The following MYO1C variants were observed in gnomAD, a reference collection of about 807,000 sequenced individuals.
MYO1C encodes unconventional myosin-Ic.
In MYO1C, 104 loss-of-function variants were observed where a neutral mutation model predicts 150.8. The observed-to-expected ratio is 0.69, with a 90% CI of 0.59 to 0.81. The LOEUF is 0.81. Ranked by LOEUF, MYO1C falls within the 30% of genes least tolerant of loss-of-function variation. MYO1C has a pLI of 0.00. For synonymous variants in MYO1C, 663 were observed against 579.9 expected (o/e 1.14, Z -2.06); for missense variants, 1,504 against 1,435.0 (o/e 1.05, Z -0.78).
intron 17 of MYO1C, 94 bp downstream of exon 17, chr17:1,474,516 G>T: frequency 7.5e-7 from 1 of 1,326,046 alleles, no homozygotes; most frequent in Non-Finnish European, 1.1e-6. Context: ...GCTCACACGC[G>T]TTCACACGCA....
chr17:1,465,240 C>T lies in MYO1C; in HGVS notation c.*486G>A, dbSNP rs565533302. 6.5e-6 allele frequency: 1 copy of T among 153,128 alleles called. No individual in the cohort carries two copies. Among genetic ancestry groups the T allele is most frequent in the Admixed American group, 6.5e-5 (1 of 15,300 alleles). The allele number at this position is 153,128 out of a possible 1,614,324, so 9.5% of individuals were successfully genotyped here. A position where few individuals can be genotyped will look rare whatever the true frequency, so the allele number is the denominator to read the frequency against. On this transcript the variant is annotated 3_prime_UTR_variant, in exon 32 of 32. Coordinates refer to ENST00000648651, the MANE Select transcript of MYO1C (RefSeq NM_001080779.2). ...GGAGACAGGTAAACAGACAGAAAGACAAGGTGCCAAGGGAATCAGGAGGAG... is the reference window on the plus strand; with the variant it reads ...GGAGACAGGTAAACAGACAGAAAGATAAGGTGCCAAGGGAATCAGGAGGAG...
At chr17:1,469,324 G>T in intron 25 of MYO1C, 1 of 612,774 alleles carries the variant, frequency 1.6e-6, no homozygotes, top group Non-Finnish European at 3.0e-6. Context: ...ACAGTAGACC[G>T]AGATAAATAC....
intron 1 of MYO1C, chr17:1,490,932 C>A (rs777670433): frequency 6.6e-6 from 1 of 152,404 alleles, no homozygotes; most frequent in Non-Finnish European, 1.5e-5. Context: ...GCCCACCTCA[C>A]TGAGACTCGG....
chr17:1,477,994 G>C, intron 12 of MYO1C, 23 bp from the exon 13 acceptor site: 3 of 1,613,642 alleles, frequency 1.9e-6, no homozygotes, highest in South Asian at 2.2e-5. Context: ...AGGGAAGGAA[G>C]GGATCACCGT....
intron 14 of MYO1C, among the ~76,000 whole-genome samples, chr17:1,475,948 G>A (rs1246778664): frequency 6.6e-6 from 1 of 152,126 alleles, no homozygotes; most frequent in Non-Finnish European, 1.5e-5. Flanking sequence ...TTATACACAA[G>A]TTCTCGACTA....
chr17:1,483,288 G>A (rs1273137933), intron 3 of MYO1C, among the ~76,000 whole-genome samples: 3 of 151,796 alleles, frequency 2.0e-5, no homozygotes, highest in South Asian at 2.1e-4. Context: ...GAGGCTGGAG[G>A]TCACTTAGGT....
In MYO1C at chr17:1,484,085, T is replaced by C. The variant is rs944746160; in HGVS notation, c.231+63A>G. The C allele has an allele frequency of 1.9e-6, 3 of 1,594,562 alleles. No individual in the cohort carries two copies. The African/African-American group carries it at 4.0e-5, about 21-fold the overall frequency. On this transcript the variant is annotated intron_variant, in intron 2 of 31. Transcript: ENST00000648651. ...ATCCCGGTGACCCTTGGTGTCTCTT[T>C]CCCCTCCGCTTGCCTGTGTCTGTGA...
intron 13 of MYO1C, 68 bp downstream of exon 13, chr17:1,477,823 G>C: frequency 6.9e-7 from 1 of 1,439,256 alleles, no homozygotes; most frequent in Non-Finnish European, 9.8e-7. Context: ...AGCCTGGAGA[G>C]AACGGAGAAG....
intron 1 of MYO1C, chr17:1,486,296 C>G (rs1567536245): frequency 6.6e-6 from 1 of 152,220 alleles, no homozygotes; most frequent in Non-Finnish European, 1.5e-5. Context: ...CCAGGAAGAT[C>G]TTGGTTTTCC....
intron 1 of MYO1C, chr17:1,485,072 C>G (rs2074623617): frequency 8.1e-7 from 1 of 1,235,656 alleles, no homozygotes; most frequent in East Asian, 5.6e-5. Context: ...GCTCCCCAGG[C>G]ACCTCCTCCA....
In MYO1C at chr17:1,478,213, C is replaced by T. The variant is rs375940649; in HGVS notation, c.1296-21G>A. 2 of 1,610,648 alleles carry T rather than the reference C, an allele frequency of 1.2e-6. No homozygotes were observed. The highest frequency in any genetic ancestry group is 2.2e-5 in the South Asian group (2 of 91,016). ...CAAAGCTGTAAGGAAGGAGAAGAGC[C>T]CACAGTGGCTCAGTGGGGACACAGG... is the stretch of plus-strand genomic sequence containing the variant. On this transcript the variant is annotated intron_variant, in intron 11 of 31. Coordinates refer to ENST00000648651, the MANE Select transcript of MYO1C (RefSeq NM_001080779.2). The surrounding 1 kb of genome is among the most constrained non-coding windows in gnomAD (Gnocchi z 6.3).
intron 1 of MYO1C, chr17:1,491,590 G>T: frequency 1.0e-6 from 1 of 979,722 alleles, no homozygotes; most frequent in Non-Finnish European, 1.2e-6. Flanking sequence ...CCCGCGCCCC[G>T]AGTACCCACC....
intron 31 of MYO1C, 107 bp downstream of exon 31, chr17:1,467,135 C>T (rs763449866): frequency 1.1e-5 from 11 of 1,036,182 alleles, no homozygotes; most frequent in Admixed American, 2.0e-5. Flanking sequence ...GGTATGATGG[C>T]CTCTGGATGA....
At chr17:1,472,314 G>C in intron 17 of MYO1C, 86 bp from the exon 18 acceptor site, 1 of 1,163,558 alleles carries the variant, frequency 8.6e-7, no homozygotes, top group Non-Finnish European at 1.3e-6. Context: ...CCCCTGGCTG[G>C]TGACGCGCGC....
Position 1,479,886 on chromosome 17 carries a change from CTGTAAT to C in MYO1C, c.907-187_907-182del, listed in dbSNP as rs891776812. Among the ~76,000 whole-genome samples, 16 of 152,262 alleles carry C rather than the reference CTGTAAT, an allele frequency of 1.1e-4. No homozygotes were observed. The highest frequency in any genetic ancestry group is 3.6e-4 in the African/African-American group (15 of 41,570). Reference sequence around the variant, plus strand: ...GTGGGATGGGCACGGTGGCTGACGCCTGTAATCCCAGCACTTTGGGAGGCTGAGGCG... The same window carrying C: ...GTGGGATGGGCACGGTGGCTGACGCCCCCAGCACTTTGGGAGGCTGAGGCG... On this transcript the variant is annotated intron_variant, in intron 7 of 31. Transcript: ENST00000648651. This position sits in a 1 kb window ranked among gnomAD's most constrained non-coding sequence, Gnocchi z 4.2.
chr17:1,477,138 CTTCT>C lies in MYO1C; in HGVS notation c.1574+363_1574+366del, dbSNP rs1298338477. Among the ~76,000 whole-genome samples the C allele has an allele frequency of 7.9e-5, 12 of 151,914 alleles. No individual in the cohort carries two copies. In the East Asian group the frequency reaches 9.7e-4, roughly 12 times the overall value. On this transcript the variant is annotated intron_variant, in intron 14 of 31. Transcript: ENST00000648651. ...ACAGGCGTGAGCCACTGCACCTGGC[CTTCT>C]TTCTCTTTTTTAAAAAATTCATTAT... is the stretch of plus-strand genomic sequence containing the variant.
intron 16 of MYO1C, 49 bp from the exon 17 acceptor site, chr17:1,474,739 C>T (rs762751146): frequency 6.2e-7 from 1 of 1,613,210 alleles, no homozygotes; most frequent in East Asian, 2.2e-5. Flanking sequence ...ACAGGCAGGA[C>T]AGGCTCCTGG....
Position 1,470,347 on chromosome 17 carries a change from G to A in MYO1C, c.2367-13C>T. On this transcript the variant is annotated splice_polypyrimidine_tract_variant and intron_variant, in intron 23 of 31. Transcript: ENST00000648651. ...GCCTCGGATGAGCCTGGGGTGGGGG[G>A]CCAGACAGGGTTGGGGGTGAGGGGC... 2.9e-6 allele frequency: 3 copies of A among 1,044,162 alleles called. No individual in the cohort carries two copies. The highest frequency in any genetic ancestry group is 1.4e-6 in the Non-Finnish European group (1 of 718,214). 64.7% of individuals were successfully genotyped at this position (1,044,162 alleles called of 1,614,324 possible).
At chr17:1,466,825 C>A (rs1211122628) in intron 31 of MYO1C, among the ~76,000 whole-genome samples, 1 of 151,738 alleles carries the variant, frequency 6.6e-6, no homozygotes, top group Middle Eastern at 3.4e-3. Flanking sequence ...TGGGGTTTCA[C>A]GATGTTGGCC....
Sources: gnomAD v4.1 joint callset for allele counts (sites outside exome capture counted in the v4.1 genomes callset) on GRCh38, gnomAD v4.1.1 for gene constraint, Gnocchi (gnomAD v3.1) non-coding constraint, MANE v1.5 for transcripts, NCBI Gene and HGNC (gene_info 2026-07-23, HGNC 2026-07-21) for gene names.